ACOT13: variants seen among roughly 807,000 people sequenced by gnomAD.
ACOT13 encodes acyl-coenzyme A thioesterase 13.
In ACOT13, 10 loss-of-function variants were observed where a neutral mutation model predicts 11.8. The ratio of observed to expected loss-of-function variants is 0.85; its 90% CI spans 0.53 to 1.44. The LOEUF (loss-of-function observed/expected upper bound fraction) is 1.44. ACOT13 is among the 40% of genes most tolerant of loss of function. The probability of loss-of-function intolerance (pLI) is 0.00; values close to 1 mark genes in which losing one functional copy is unlikely to be tolerated. For synonymous variants in ACOT13, 53 were observed against 61.0 expected (o/e 0.87, Z 0.61); for missense variants, 172 against 174.1 (o/e 0.99, Z 0.07).
chr6:24,684,224 TCAAATGG>T (rs1229861301), intron 1 of ACOT13, among the ~76,000 whole-genome samples: 1 of 152,238 alleles, frequency 6.6e-6, no homozygotes, highest in African/African-American at 2.4e-5. Flanking sequence ...TTTAATGTTT[TCAAATGG>T]CAAATGGCAT....
At chr6:24,698,545 C>T (rs990221864) in intron 2 of ACOT13, among the ~76,000 whole-genome samples, 1 of 150,896 alleles carries the variant, frequency 6.6e-6, no homozygotes, top group South Asian at 2.1e-4. Flanking sequence ...ACTTATAACA[C>T]TATGAGGATT....
chr6:24,678,412 A>G (rs1236887513), intron 1 of ACOT13, among the ~76,000 whole-genome samples: 1 of 152,190 alleles, frequency 6.6e-6, no homozygotes, highest in Non-Finnish European at 1.5e-5. Context: ...AAACTGGAGT[A>G]TTGCAGGGGC....
Position 24,667,228 on chromosome 6 carries a change from C to T in ACOT13, c.-36C>T, listed in dbSNP as rs372138767. The T allele has an allele frequency of 4.9e-5, 79 of 1,606,046 alleles. No individual in the cohort carries two copies. The African/African-American group carries it at 7.6e-4, about 15-fold the overall frequency. On this transcript the variant is annotated 5_prime_UTR_variant, in exon 1 of 3. Coordinates refer to ENST00000230048, the MANE Select transcript of ACOT13 (RefSeq NM_018473.4). ...CTTTCCAGCTCTTCCGAAGTTCGTT[C>T]TTGCGCAAAGCCCAAAGGCTGGAAA...
intron 1 of ACOT13, among the ~76,000 whole-genome samples, chr6:24,689,877 A>G (rs1287139987): frequency 2.0e-5 from 3 of 152,210 alleles, no homozygotes; most frequent in Non-Finnish European, 4.4e-5. Context: ...CACAGCAAAT[A>G]TAAGTATTTT....
intron 1 of ACOT13, among the ~76,000 whole-genome samples, chr6:24,688,829 G>A (rs565513088): frequency 2.6e-4 from 39 of 152,242 alleles, no homozygotes; most frequent in African/African-American, 7.2e-4. Flanking sequence ...TACAATAAAA[G>A]TCAAAATACA....
At chr6:24,678,354 T>G (rs1221183289) in intron 1 of ACOT13, among the ~76,000 whole-genome samples, 3 of 152,192 alleles carry the variant, frequency 2.0e-5, no homozygotes, top group Non-Finnish European at 4.4e-5. Context: ...TTGATAATCC[T>G]GAGATCTTGC....
At chr6:24,671,687 C>A (rs907682052) in intron 1 of ACOT13, among the ~76,000 whole-genome samples, 4 of 149,880 alleles carry the variant, frequency 2.7e-5, no homozygotes, top group African/African-American at 7.4e-5. Flanking sequence ...ACAGCAACAA[C>A]AAAAAAAAAC....
chr6:24,699,500 G>A (rs927484183), intron 2 of ACOT13, among the ~76,000 whole-genome samples: 16 of 152,286 alleles, frequency 1.1e-4, no homozygotes, highest in Admixed American at 3.3e-4. Flanking sequence ...GTGAGCCACC[G>A]CGCCCAGCCA....
In ACOT13 at chr6:24,701,745, C is replaced by A; in HGVS notation, c.*130C>A. On this transcript the variant is annotated 3_prime_UTR_variant, in exon 3 of 3. Transcript: ENST00000230048. ...TAGAAATATTCTTGGAGGAAAAGGACCTGGATATCAAGTAGGGTAAAGGTG... is the reference window on the plus strand; with the variant it reads ...TAGAAATATTCTTGGAGGAAAAGGAACTGGATATCAAGTAGGGTAAAGGTG... 1 of 964,290 alleles carries A rather than the reference C, an allele frequency of 1.0e-6. No homozygotes were observed. The highest frequency in any genetic ancestry group is 1.5e-6 in the Non-Finnish European group (1 of 678,016). 59.7% of individuals were successfully genotyped at this position (964,290 alleles called of 1,614,324 possible). A position where few individuals can be genotyped will look rare whatever the true frequency, so the allele number is the denominator to read the frequency against.
rs1364081167 is a variant in ACOT13, at chr6:24,697,896, C to T, written c.95C>T (p.Ser32Phe). ...TTTTACACTTAGATTACTCTTGTCTCTGCTGCTCCTGGGAAAGTGATTTGT... is the reference window on the plus strand; with the variant it reads ...TTTTACACTTAGATTACTCTTGTCTTTGCTGCTCCTGGGAAAGTGATTTGT... The part of the protein sequence containing the change: ...ERVLGKITLV[S>F]AAPGKVICEM... The change falls in exon 2 of 3, where the codon TCT (serine) becomes TTT (phenylalanine). Residue 32 changes from serine to phenylalanine, a missense_variant. Ser to Phe is a radical substitution (Grantham distance 155). Coordinates refer to ENST00000230048, the MANE Select transcript of ACOT13 (RefSeq NM_018473.4). 4 of 1,608,444 alleles carry T rather than the reference C, an allele frequency of 2.5e-6. No individual in the cohort carries two copies. Among genetic ancestry groups the T allele is most frequent in the Non-Finnish European group, 3.4e-6 (4 of 1,177,790 alleles).
chr6:24,680,156 C>T (rs1056274596), intron 1 of ACOT13, among the ~76,000 whole-genome samples: 3 of 152,094 alleles, frequency 2.0e-5, no homozygotes, highest in African/African-American at 7.2e-5. Flanking sequence ...CGAGTTGTCT[C>T]TTAATGAAAA....
chr6:24,703,564 G>C lies in ACOT13; in HGVS notation c.*1949G>C, dbSNP rs1257165846. The stretch of plus-strand genomic sequence containing the variant: ...AAAAAATATGAGGCCATAGTGTTTA[G>C]GTAGATAATAAATGGCAGAGATAGA... On this transcript the variant is annotated 3_prime_UTR_variant, in exon 3 of 3. Coordinates refer to ENST00000230048, the MANE Select transcript of ACOT13 (RefSeq NM_018473.4). 2.0e-5 allele frequency: 3 copies of C among 152,158 alleles called. No homozygotes were observed. The highest frequency in any genetic ancestry group is 7.2e-5 in the African/African-American group (3 of 41,426). The allele number at this position is 152,158 out of a possible 1,614,324, so 9.4% of individuals were successfully genotyped here.
chr6:24,668,772 C>T (rs1241329160), intron 1 of ACOT13, among the ~76,000 whole-genome samples: 2 of 152,170 alleles, frequency 1.3e-5, no homozygotes, highest in Admixed American at 1.3e-4. Flanking sequence ...TAGTTACACT[C>T]CTATGGGAAG....
chr6:24,692,849 A>T (rs535710504), intron 1 of ACOT13, among the ~76,000 whole-genome samples: 2 of 152,238 alleles, frequency 1.3e-5, no homozygotes, highest in African/African-American at 2.4e-5. Context: ...AGTACTCTCA[A>T]CCATTAAGCG....
chr6:24,692,463 C>CTGTAGTGCAG, intron 1 of ACOT13, among the ~76,000 whole-genome samples: 1 of 152,226 alleles, frequency 6.6e-6, no homozygotes, highest in African/African-American at 2.4e-5. Flanking sequence ...GTCAGCCAAG[C>CTGTAGTGCAG]TGTAGTGCAG....
rs567019313 is a variant in ACOT13 at position 24,669,567 on chromosome 6, T to A, written c.81+2223T>A. On this transcript the variant is annotated intron_variant, in intron 1 of 2. Coordinates refer to ENST00000230048, the MANE Select transcript of ACOT13 (RefSeq NM_018473.4). ...CCCCTTTTCTTTTTTTTAAAAAAAA[T>A]TTTTTTTTGGAGAAAGCATTTTAGA... Among the ~76,000 whole-genome samples the A allele has an allele frequency of 4.1e-3, 626 of 151,764 alleles. 4 individuals are homozygous for A. The highest frequency in any genetic ancestry group is 0.014 in the African/African-American group (567 of 41,396).
intron 1 of ACOT13, among the ~76,000 whole-genome samples, chr6:24,696,445 A>G (rs1014995511): frequency 6.6e-6 from 1 of 152,234 alleles, no homozygotes; most frequent in African/African-American, 2.4e-5. Flanking sequence ...ACTATATAGT[A>G]TATGTAAAGT....
At position 24,701,511 on chromosome 6, in the gene ACOT13, C is replaced by G; in HGVS notation, c.319C>G (p.Leu107Val). Residue 107 changes from leucine to valine, a missense_variant, in exon 3 of 3, where the codon CTG becomes GTG. Transcript: ENST00000230048. Reference protein sequence around the residue: ...GEDIVITAHVLKQGKTLAFTS... With the variant: ...GEDIVITAHVVKQGKTLAFTS... ...AGATATAGTGATTACAGCACATGTT[C>G]TGAAGCAAGGAAAAACACTTGCATT... 1 of 1,613,936 alleles carries G rather than the reference C, an allele frequency of 6.2e-7. No homozygotes were observed.
intron 1 of ACOT13, among the ~76,000 whole-genome samples, chr6:24,687,917 T>C (rs1293856413): frequency 6.6e-6 from 1 of 151,820 alleles, no homozygotes; most frequent in Admixed American, 6.6e-5. Flanking sequence ...TTCACCGTAT[T>C]GGCGAGGCTG....
Sources: allele counts gnomAD v4.1 joint callset (sites outside exome capture counted in the v4.1 genomes callset), GRCh38; gene constraint gnomAD v4.1.1; transcripts MANE v1.5; gene names NCBI Gene and HGNC (gene_info 2026-07-23, HGNC 2026-07-21).